GUCY1A2: variants seen among roughly 807,000 people sequenced by gnomAD.
GUCY1A2 encodes the protein guanylate cyclase 1 soluble subunit alpha 2, also known as guanylate cyclase soluble subunit alpha-2.
GUCY1A2 carries 27 observed loss-of-function variants against 63.5 expected under a neutral mutation model. That is an observed-to-expected ratio of 0.43 (90% CI 0.31 to 0.59). The LOEUF (loss-of-function observed/expected upper bound fraction) is 0.59, where lower values mean the gene tolerates loss of function less well. Among genes scored for constraint, GUCY1A2 ranks in the 20% least tolerant of loss-of-function variants. GUCY1A2 has a pLI of 0.11. For synonymous variants in GUCY1A2, 364 were observed against 343.5 expected (o/e 1.06, Z -0.66); for missense variants, 768 against 913.3 (o/e 0.84, Z 2.05).
intron 6 of GUCY1A2, among the ~76,000 whole-genome samples, chr11:106,733,855 T>A (rs905325545): frequency 6.6e-6 from 1 of 152,084 alleles, no homozygotes; most frequent in Non-Finnish European, 1.5e-5. Context: ...AATCAGGGAA[T>A]CTCTCTTAGA....
chr11:106,708,805 G>T, intron 6 of GUCY1A2, 139 bp from the exon 7 acceptor site: 1 of 487,694 alleles, frequency 2.1e-6, no homozygotes. Flanking sequence ...ACTGAGTCCT[G>T]GTCATTTTTG....
intron 4 of GUCY1A2, among the ~76,000 whole-genome samples, chr11:106,928,315 A>G (rs1015376252): frequency 1.3e-5 from 2 of 152,134 alleles, no homozygotes; most frequent in African/African-American, 4.8e-5. Flanking sequence ...GAACCTACAC[A>G]TGTTATTACA....
At chr11:106,739,689 A>G (rs144695157) in intron 6 of GUCY1A2, among the ~76,000 whole-genome samples, 1 of 152,278 alleles carries the variant, frequency 6.6e-6, no homozygotes, top group South Asian at 2.1e-4. Context: ...GTCTTTTAGA[A>G]TTGATTTTCC....
chr11:106,843,219 C>T (rs1238058401), intron 4 of GUCY1A2, among the ~76,000 whole-genome samples: 1 of 151,676 alleles, frequency 6.6e-6, no homozygotes, highest in East Asian at 1.9e-4. Context: ...GATACAATAT[C>T]TGAATATTTT....
chr11:106,996,125 G>A (rs778270970), intron 1 of GUCY1A2, among the ~76,000 whole-genome samples: 9 of 152,134 alleles, frequency 5.9e-5, no homozygotes, highest in Admixed American at 1.3e-4. Context: ...TGCTCCAGTC[G>A]CATGCCTGGG....
At chr11:107,017,469 G>A (rs1861839268) in intron 1 of GUCY1A2, among the ~76,000 whole-genome samples, 1 of 152,170 alleles carries the variant, frequency 6.6e-6, no homozygotes, top group Non-Finnish European at 1.5e-5. Context: ...GGGGAACAGT[G>A]GTGAAGTAGG....
chr11:106,852,785 G>T (rs1445726755), intron 4 of GUCY1A2, among the ~76,000 whole-genome samples: 1 of 151,942 alleles, frequency 6.6e-6, no homozygotes, highest in Non-Finnish European at 1.5e-5. Context: ...TTGTGTCCTT[G>T]CCTGCTTTTG....
intron 4 of GUCY1A2, among the ~76,000 whole-genome samples, chr11:106,895,821 A>T (rs918006850): frequency 6.6e-6 from 1 of 152,084 alleles, no homozygotes; most frequent in African/African-American, 2.4e-5. Context: ...ACAGACTGAT[A>T]TATCTTATAA....
At chr11:106,746,699 G>A in intron 6 of GUCY1A2, 1 of 968,790 alleles carries the variant, frequency 1.0e-6, no homozygotes, top group Non-Finnish European at 1.6e-6. Context: ...TAAAAAATCA[G>A]TACTGTGACA....
chr11:106,997,359 T>C, intron 1 of GUCY1A2, among the ~76,000 whole-genome samples: 1 of 152,146 alleles, frequency 6.6e-6, no homozygotes, highest in South Asian at 2.1e-4. Flanking sequence ...CTTTTGTCAC[T>C]TTGCTCCTAG....
intron 4 of GUCY1A2, among the ~76,000 whole-genome samples, chr11:106,891,394 G>C (rs1859972287): frequency 6.6e-6 from 1 of 151,974 alleles, no homozygotes; most frequent in African/African-American, 2.4e-5. Context: ...CCTGTCTGTG[G>C]ATTGCCTTTT....
intron 4 of GUCY1A2, among the ~76,000 whole-genome samples, chr11:106,901,237 T>A (rs1204391268): frequency 6.6e-6 from 1 of 152,192 alleles, no homozygotes; most frequent in African/African-American, 2.4e-5. Context: ...TCCTCATATG[T>A]TCAAGTTCTA....
intron 4 of GUCY1A2, among the ~76,000 whole-genome samples, chr11:106,814,401 T>A (rs528490597): frequency 6.6e-6 from 1 of 152,224 alleles, no homozygotes; most frequent in East Asian, 1.9e-4. Flanking sequence ...GAACTAGCTC[T>A]AGCTAAAAAA....
chr11:106,748,100 T>TA (rs1018740869), intron 6 of GUCY1A2, among the ~76,000 whole-genome samples: 2 of 152,152 alleles, frequency 1.3e-5, no homozygotes, highest in African/African-American at 4.8e-5. Flanking sequence ...GAAGTTTCTT[T>TA]AAAAAAATCC....
At chr11:106,733,215 A>T (rs1390958058) in intron 6 of GUCY1A2, among the ~76,000 whole-genome samples, 4 of 152,116 alleles carry the variant, frequency 2.6e-5, no homozygotes, top group Non-Finnish European at 4.4e-5. Flanking sequence ...TTATTTTTTT[A>T]AATGAATCTT....
intron 4 of GUCY1A2, chr11:106,824,982 T>C (rs1858948058): frequency 6.2e-7 from 1 of 1,611,824 alleles, no homozygotes; most frequent in East Asian, 2.2e-5. Context: ...AATTTTCTAA[T>C]TAAAGATGGT....
chr11:106,827,727 T>C, intron 4 of GUCY1A2: 2 of 1,540,474 alleles, frequency 1.3e-6, no homozygotes, highest in South Asian at 1.1e-5. Context: ...TTTAGAAATC[T>C]GCTTGAAATT....
chr11:106,784,863 AG>A (rs1440790603), intron 5 of GUCY1A2, among the ~76,000 whole-genome samples: 28 of 152,292 alleles, frequency 1.8e-4, no homozygotes, highest in African/African-American at 6.3e-4. Flanking sequence ...TAATATCTAC[AG>A]AACTAAGGTG....
At position 106,939,776 on chromosome 11, in the gene GUCY1A2, T is replaced by C. The variant is rs1395219580; in HGVS notation, c.890A>G (p.Glu297Gly). ...SCLTFLIKEC[E>G]NTNIMKNLPQ... ...AAGGTTCTTCATGATATTAGTATTT[T>C]CACATTCTTTGATAAGGAAAGTAAG... The change falls in exon 4 of 8, where the codon GAA (glutamate) becomes GGA (glycine). Residue 297 changes from glutamate (E) to glycine (G), a missense_variant. Transcript: ENST00000526355. 1.2e-6 allele frequency: 2 copies of C among 1,614,066 alleles called. No individual in the cohort carries two copies. The highest frequency in any genetic ancestry group is 2.2e-5 in the South Asian group (2 of 91,086).
Sources: gnomAD v4.1 joint callset for allele counts (sites outside exome capture counted in the v4.1 genomes callset) on GRCh38, gnomAD v4.1.1 for gene constraint, MANE v1.5 for transcripts, NCBI Gene and HGNC (gene_info 2026-07-23, HGNC 2026-07-21) for gene names.